Variants in FOXN3 observed in about 807,000 individuals in gnomAD.
FOXN3 encodes the protein forkhead box N3, also known as forkhead box protein N3.
A neutral mutation model predicts 38.4 loss-of-function variants in FOXN3; 7 were observed. The ratio of observed to expected loss-of-function variants is 0.18; its 90% CI spans 0.10 to 0.34. The LOEUF (loss-of-function observed/expected upper bound fraction) is 0.34, where lower values mean the gene tolerates loss of function less well. Among genes scored for constraint, FOXN3 ranks in the 10% least tolerant of loss-of-function variants. The pLI is 1.00. For synonymous variants in FOXN3, 230 were observed against 242.2 expected, an observed-to-expected ratio of 0.95 and a Z score of 0.47; for missense variants, 456 against 613.4, an observed-to-expected ratio of 0.74 and a Z score of 2.71.
chr14:89,334,700 A>G (rs1303139806), intron 3 of FOXN3, among the ~76,000 whole-genome samples: 1 of 152,070 alleles, frequency 6.6e-6, no homozygotes, highest in Non-Finnish European at 1.5e-5. Context: ...TTATACTTTA[A>G]ATTTGCTAAT....
At chr14:89,343,520 A>T (rs915745720) in intron 3 of FOXN3, among the ~76,000 whole-genome samples, 1 of 151,772 alleles carries the variant, frequency 6.6e-6, no homozygotes, top group Admixed American at 6.6e-5. Context: ...ATAGGGCAGC[A>T]GGCAGGATAA....
At chr14:89,407,787 TGC>T (rs1386074608) in intron 2 of FOXN3, among the ~76,000 whole-genome samples, 1 of 152,170 alleles carries the variant, frequency 6.6e-6, no homozygotes, top group Non-Finnish European at 1.5e-5. Context: ...GCCATGATTA[TGC>T]CACTGCGCTC....
At chr14:89,465,734 A>G (rs982456369) in intron 1 of FOXN3, among the ~76,000 whole-genome samples, 2 of 152,208 alleles carry the variant, frequency 1.3e-5, no homozygotes, top group Non-Finnish European at 2.9e-5. Context: ...AGGCTATGTT[A>G]CATCCTCTCC....
At chr14:89,175,019 T>C (rs1159661100) in intron 5 of FOXN3, among the ~76,000 whole-genome samples, 2 of 152,200 alleles carry the variant, frequency 1.3e-5, no homozygotes, top group Non-Finnish European at 2.9e-5. Context: ...ATACTAAAGG[T>C]TGCCACCTTC....
chr14:89,449,610 G>C (rs922992251), intron 1 of FOXN3, among the ~76,000 whole-genome samples: 3 of 152,216 alleles, frequency 2.0e-5, no homozygotes, highest in African/African-American at 7.2e-5. Flanking sequence ...TATTTGAGAA[G>C]AAAATGCCAA....
chr14:89,264,744 G>A (rs1885918809), intron 4 of FOXN3, among the ~76,000 whole-genome samples: 1 of 152,142 alleles, frequency 6.6e-6, no homozygotes, highest in African/African-American at 2.4e-5. Flanking sequence ...ACAAACAAGT[G>A]CCATCCACAT....
rs1404420148 is a variant in FOXN3, at chr14:89,161,456, C to G, written c.*958G>C. 1 of 147,962 alleles carries G rather than the reference C, an allele frequency of 6.8e-6. No homozygotes were observed. The highest frequency in any genetic ancestry group is 1.5e-5 in the Non-Finnish European group (1 of 67,334). The allele number at this position is 147,962 out of a possible 1,614,324, so 9.2% of individuals were successfully genotyped here. A position where few individuals can be genotyped will look rare whatever the true frequency, so the allele number is the denominator to read the frequency against. ...AAAGATCTGTACCATTATTTCCTTT[C>G]CTTAACAGCTATTGTAATTTCCTGG... On this transcript the variant is annotated 3_prime_UTR_variant, in exon 6 of 6. Transcript: ENST00000557258.
chr14:89,393,835 C>T (rs987117014), intron 2 of FOXN3, among the ~76,000 whole-genome samples: 32 of 152,198 alleles, frequency 2.1e-4, no homozygotes, highest in Non-Finnish European at 5.9e-5. Flanking sequence ...CCCAGAGGTA[C>T]AACTTGTCTA....
At chr14:89,424,139 C>T (rs929470241) in intron 1 of FOXN3, among the ~76,000 whole-genome samples, 1 of 152,182 alleles carries the variant, frequency 6.6e-6, no homozygotes, top group Non-Finnish European at 1.5e-5. Flanking sequence ...AGGCCAGAGG[C>T]ATATTATTAC....
chr14:89,614,393 C>T (rs571386673), intron 1 of FOXN3, among the ~76,000 whole-genome samples: 11 of 152,094 alleles, frequency 7.2e-5, no homozygotes, highest in Non-Finnish European at 1.5e-4. Flanking sequence ...TATGCCTTCC[C>T]TCTCATTATA....
chr14:89,356,404 T>C (rs926827369), intron 2 of FOXN3: 9 of 151,524 alleles, frequency 5.9e-5, no homozygotes, highest in African/African-American at 1.9e-4. Context: ...CTCAAAAAAA[T>C]ATATAATAAT....
chr14:89,455,915 G>A (rs941959707), intron 1 of FOXN3, among the ~76,000 whole-genome samples: 4 of 152,176 alleles, frequency 2.6e-5, no homozygotes, highest in African/African-American at 9.7e-5. Context: ...GTAACCACAG[G>A]CCAGGCGCGG....
chr14:89,462,345 T>C (rs1031998667), intron 1 of FOXN3, among the ~76,000 whole-genome samples: 2 of 152,170 alleles, frequency 1.3e-5, no homozygotes, highest in Non-Finnish European at 2.9e-5. Flanking sequence ...ATCATTCCAG[T>C]GTAATTTCTT....
intron 1 of FOXN3, among the ~76,000 whole-genome samples, chr14:89,604,413 C>T (rs1043413072): frequency 2.0e-5 from 3 of 151,692 alleles, no homozygotes; most frequent in African/African-American, 2.4e-5. Flanking sequence ...TAAAAGGGAA[C>T]GAGTATATAA....
chr14:89,227,354 C>T (rs1884672142), intron 4 of FOXN3, among the ~76,000 whole-genome samples: 1 of 152,206 alleles, frequency 6.6e-6, no homozygotes. Context: ...ATCTCCTTCC[C>T]AACAGCTTGG....
chr14:89,568,583 C>A (rs1307734208), intron 1 of FOXN3, among the ~76,000 whole-genome samples: 2 of 152,220 alleles, frequency 1.3e-5, no homozygotes. Context: ...CTCCTCAGGG[C>A]TGGCCCCTAA....
intron 1 of FOXN3, among the ~76,000 whole-genome samples, chr14:89,508,915 T>C (rs1343616929): frequency 1.3e-5 from 2 of 152,174 alleles, no homozygotes; most frequent in Admixed American, 1.3e-4. Flanking sequence ...ATGACAGGCT[T>C]TGCATGTGGC....
At chr14:89,464,988 A>G (rs1008121162) in intron 1 of FOXN3, among the ~76,000 whole-genome samples, 9 of 151,380 alleles carry the variant, frequency 5.9e-5, no homozygotes, top group South Asian at 4.2e-4. Flanking sequence ...GAGCCACCGC[A>G]CCTGACTTCC....
intron 4 of FOXN3, among the ~76,000 whole-genome samples, chr14:89,226,929 C>A (rs1566933768): frequency 6.6e-6 from 1 of 152,190 alleles, no homozygotes; most frequent in Non-Finnish European, 1.5e-5. Flanking sequence ...GGGGACACAG[C>A]CCTGCCCACA....
Sources: gnomAD v4.1 joint callset for allele counts (sites outside exome capture counted in the v4.1 genomes callset) on GRCh38, gnomAD v4.1.1 for gene constraint, MANE v1.5 for transcripts, NCBI Gene and HGNC (gene_info 2026-07-23, HGNC 2026-07-21) for gene names.